Variants in BBS12 observed in about 807,000 individuals in gnomAD.
BBS12 encodes the protein Bardet-Biedl syndrome 12.
Under a neutral mutation model 5.6 loss-of-function variants are expected in BBS12, and 5 were observed. The ratio of observed to expected loss-of-function variants is 0.89; its 90% CI spans 0.46 to 1.86. BBS12 has a LOEUF of 1.86. BBS12 is among the 40% of genes most tolerant of loss of function. BBS12 has a pLI of 0.01. For synonymous variants in BBS12, 308 were observed against 306.8 expected (o/e 1.00, Z -0.04); for missense variants, 748 against 830.4 (o/e 0.90, Z 1.22).
At chr4:122,705,097 G>A in the BBS12 span, among the ~76,000 whole-genome samples, 4 of 152,080 alleles carry the variant, frequency 2.6e-5, no homozygotes, top group Admixed American at 1.3e-4. Flanking sequence ...GAACTTCTGC[G>A]AACATTCTGT....
chr4:122,705,817 T>C, the BBS12 span, among the ~76,000 whole-genome samples: 1 of 152,204 alleles, frequency 6.6e-6, no homozygotes, highest in Non-Finnish European at 1.5e-5. Context: ...CAAAACTTCA[T>C]TTATGAGTCA....
chr4:122,713,475 C>A, the BBS12 span, among the ~76,000 whole-genome samples: 4 of 152,084 alleles, frequency 2.6e-5, no homozygotes, highest in African/African-American at 9.7e-5. Context: ...TGCACTCCAG[C>A]CTGGGCAACA....
At chr4:122,707,243 G>A in the BBS12 span, among the ~76,000 whole-genome samples, 1 of 151,730 alleles carries the variant, frequency 6.6e-6, no homozygotes, top group South Asian at 2.1e-4. Context: ...AATTCTGAAA[G>A]CAATTTCCCT....
chr4:122,706,224 C>G, the BBS12 span, among the ~76,000 whole-genome samples: 1 of 152,112 alleles, frequency 6.6e-6, no homozygotes, highest in Non-Finnish European at 1.5e-5. Context: ...CTTCCACCCT[C>G]CCTCCCTCTC....
At chr4:122,717,876 T>C in the BBS12 span, among the ~76,000 whole-genome samples, 1 of 152,224 alleles carries the variant, frequency 6.6e-6, no homozygotes, top group South Asian at 2.1e-4. Flanking sequence ...CTCTCCCATT[T>C]AAAAGATAAC....
At chr4:122,727,203 T>A in the BBS12 span, among the ~76,000 whole-genome samples, 1 of 152,222 alleles carries the variant, frequency 6.6e-6, no homozygotes, top group Non-Finnish European at 1.5e-5. Context: ...CAAAGATTAA[T>A]CTCTTTTGTA....
the BBS12 span, among the ~76,000 whole-genome samples, chr4:122,720,729 T>C: frequency 6.6e-6 from 1 of 152,012 alleles, no homozygotes; most frequent in Non-Finnish European, 1.5e-5. Flanking sequence ...AAATACTGGC[T>C]CTAAAAATGT....
chr4:122,710,807 C>T, the BBS12 span, among the ~76,000 whole-genome samples: 8 of 151,944 alleles, frequency 5.3e-5, no homozygotes, highest in African/African-American at 1.7e-4. Flanking sequence ...GGGTTTTCCT[C>T]ACCACTCAGT....
At chr4:122,703,967 G>C in the BBS12 span, among the ~76,000 whole-genome samples, 1 of 152,116 alleles carries the variant, frequency 6.6e-6, no homozygotes, top group Non-Finnish European at 1.5e-5. Context: ...TCCTGCCTCA[G>C]CCTCTCGAAC....
At chr4:122,727,381 A>G in the BBS12 span, among the ~76,000 whole-genome samples, 2 of 151,238 alleles carry the variant, frequency 1.3e-5, no homozygotes, top group African/African-American at 4.9e-5. Context: ...AGTAGCTGGG[A>G]CTACAGGTGC....
At position 122,742,702 on chromosome 4, in the gene BBS12, G is replaced by C. The variant is rs774510452; in HGVS notation, c.810G>C (p.Glu270Asp). Residue 270 changes from glutamate to aspartate, a missense_variant, in exon 2 of 2, where the codon GAG (glutamate) becomes GAC (aspartate). By Grantham distance (45) the Glu-to-Asp change is conservative (BLOSUM62 2). Coordinates refer to ENST00000314218, the MANE Select transcript of BBS12 (RefSeq NM_152618.3). ...HKTYRCNDLV[E>D]LAVGLSHGDH... ...CTTACAGATGTAATGATTTGGTAGAGTTGGCAGTAGGCTTGAGTCATGGAG... is the reference window on the plus strand; with the variant it reads ...CTTACAGATGTAATGATTTGGTAGACTTGGCAGTAGGCTTGAGTCATGGAG... The C allele has an allele frequency of 3.7e-6, 6 of 1,614,238 alleles. No individual in the cohort carries two copies. The highest frequency in any genetic ancestry group is 5.1e-6 in the Non-Finnish European group (6 of 1,180,036).
intron 1 of BBS12, among the ~76,000 whole-genome samples, chr4:122,735,383 T>A (rs1262660478): frequency 6.6e-6 from 1 of 152,218 alleles, no homozygotes; most frequent in East Asian, 1.9e-4. Flanking sequence ...GGCACATATA[T>A]CAAGCCAAGG....
chr4:122,705,318 T>C, the BBS12 span, among the ~76,000 whole-genome samples: 1 of 152,274 alleles, frequency 6.6e-6, no homozygotes, highest in East Asian at 1.9e-4. Flanking sequence ...TACCAAAAGC[T>C]AATTGAGGCC....
chr4:122,708,785 G>T, the BBS12 span, among the ~76,000 whole-genome samples: 91 of 151,906 alleles, frequency 6.0e-4, no homozygotes, highest in Non-Finnish European at 1.1e-3. Flanking sequence ...ATTGTGCCCC[G>T]TACATGTATA....
At position 122,743,506 on chromosome 4, in the gene BBS12, AG is replaced by A. The variant is rs1800928352; in HGVS notation, c.1616del (p.Gly539ValfsTer20). 1 of 1,614,100 alleles carries A rather than the reference AG, an allele frequency of 6.2e-7. No individual in the cohort carries two copies. Among genetic ancestry groups the A allele is most frequent in the African/African-American group, 1.3e-5 (1 of 74,930 alleles). On this transcript the variant is annotated frameshift_variant, in exon 2 of 2. Transcript: ENST00000314218. LOFTEE classifies it low-confidence loss of function (END_TRUNC). ...ALKEEKVFLG[G>X]GAVEFLCLSC... ...TAAAAGAGGAAAAGGTCTTCCTTGG[AG>A]GTGGTGCAGTTGAATTTTTGTGTCT...
chr4:122,735,157 A>G (rs1800767175), intron 1 of BBS12, among the ~76,000 whole-genome samples: 4 of 152,234 alleles, frequency 2.6e-5, no homozygotes. Flanking sequence ...AAGGAGGGAC[A>G]ACTCTACCCC....
intron 1 of BBS12, among the ~76,000 whole-genome samples, chr4:122,737,533 C>T (rs1800800731): frequency 6.6e-6 from 1 of 152,084 alleles, no homozygotes; most frequent in African/African-American, 2.4e-5. Context: ...TGTAAAATGC[C>T]TCATACTTAG....
chr4:122,741,861 C>T (rs753449448), intron 1 of BBS12, 22 bp from the exon 2 acceptor site: 4 of 1,590,140 alleles, frequency 2.5e-6, no homozygotes, highest in Middle Eastern at 1.7e-4. Flanking sequence ...AATAAAGTTA[C>T]AAGTTTTTAT....
intron 1 of BBS12, among the ~76,000 whole-genome samples, chr4:122,735,413 A>G (rs1800771125): frequency 6.6e-6 from 1 of 152,186 alleles, no homozygotes; most frequent in Non-Finnish European, 1.5e-5. Flanking sequence ...TTTCTTTTTT[A>G]AGATAAATAG....
Sources: gnomAD v4.1 joint callset for allele counts (sites outside exome capture counted in the v4.1 genomes callset) on GRCh38, gnomAD v4.1.1 for gene constraint, MANE v1.5 for transcripts, NCBI Gene and HGNC (gene_info 2026-07-23, HGNC 2026-07-21) for gene names.